Variants in KCNIP4 observed in about 807,000 individuals in gnomAD.
KCNIP4 encodes the protein Kv channel-interacting protein 4.
A neutral mutation model predicts 34.0 loss-of-function variants in KCNIP4; 12 were observed. The observed-to-expected ratio is 0.35, with a 90% CI of 0.23 to 0.57. The LOEUF (loss-of-function observed/expected upper bound fraction) is 0.57. Ranked by LOEUF, KCNIP4 falls within the 20% of genes least tolerant of loss-of-function variation. The pLI, the probability that KCNIP4 is intolerant of heterozygous loss-of-function variation, is 0.83. For missense variants in KCNIP4, 238 were observed against 311.7 expected (o/e 0.76, Z 1.78); for synonymous variants, 124 against 102.2 (o/e 1.21, Z -1.29).
intron 1 of KCNIP4, among the ~76,000 whole-genome samples, chr4:20,966,926 T>A (rs901579422): frequency 3.3e-5 from 5 of 152,156 alleles, no homozygotes; most frequent in Admixed American, 1.3e-4. Flanking sequence ...TATGATGATT[T>A]TCATCTTATG....
intron 1 of KCNIP4, among the ~76,000 whole-genome samples, chr4:21,125,069 C>T (rs1038916049): frequency 6.6e-6 from 1 of 150,662 alleles, no homozygotes; most frequent in Non-Finnish European, 1.5e-5. Flanking sequence ...TCCAGAGAAG[C>T]CTCCCCAGTC....
At chr4:21,255,647 G>GA (rs113073511) in intron 1 of KCNIP4, among the ~76,000 whole-genome samples, 14,111 of 139,422 alleles carry the variant, frequency 0.1, 1,108 homozygotes, top group African/African-American at 0.22. Flanking sequence ...CTTTAAAATA[G>GA]AAAAAAAAAA....
intron 1 of KCNIP4, among the ~76,000 whole-genome samples, chr4:21,630,198 G>A (rs539146114): frequency 1.5e-4 from 23 of 151,606 alleles, no homozygotes; most frequent in Non-Finnish European, 3.2e-4. Context: ...TCAGCGCGGT[G>A]GCTCATGCCT....
At chr4:21,906,184 T>C (rs2108974924) in intron 1 of KCNIP4, among the ~76,000 whole-genome samples, 1 of 152,318 alleles carries the variant, frequency 6.6e-6, no homozygotes, top group East Asian at 1.9e-4. Flanking sequence ...TGATAATGAC[T>C]CCCAAAGTCA....
At chr4:21,694,903 A>G (rs1712088826) in intron 1 of KCNIP4, among the ~76,000 whole-genome samples, 1 of 139,010 alleles carries the variant, frequency 7.2e-6, no homozygotes, top group Admixed American at 7.3e-5. Context: ...TCCTCAGATA[A>G]CACGATTGAC....
intron 1 of KCNIP4, among the ~76,000 whole-genome samples, chr4:21,592,544 G>A (rs1742300150): frequency 6.6e-6 from 1 of 152,002 alleles, no homozygotes; most frequent in Non-Finnish European, 1.5e-5. Flanking sequence ...ATTTAAACAG[G>A]TACTTTGGCT....
At chr4:21,397,136 G>A (rs1723077377) in intron 1 of KCNIP4, among the ~76,000 whole-genome samples, 1 of 152,138 alleles carries the variant, frequency 6.6e-6, no homozygotes, top group African/African-American at 2.4e-5. Flanking sequence ...TAAGAAGATA[G>A]AGTCACATAT....
intron 1 of KCNIP4, among the ~76,000 whole-genome samples, chr4:20,904,333 A>G (rs560020273): frequency 5.3e-4 from 78 of 148,232 alleles, no homozygotes; most frequent in African/African-American, 1.7e-3. Context: ...GTGTGTGTGT[A>G]TATATATATA....
At chr4:21,124,771 C>T (rs1750467639) in intron 1 of KCNIP4, among the ~76,000 whole-genome samples, 1 of 152,076 alleles carries the variant, frequency 6.6e-6, no homozygotes, top group Non-Finnish European at 1.5e-5. Context: ...GTATTGACAA[C>T]AGATACCTGA....
intron 1 of KCNIP4, among the ~76,000 whole-genome samples, chr4:20,969,961 A>G (rs1455879242): frequency 1.4e-5 from 2 of 144,438 alleles, no homozygotes; most frequent in Admixed American, 1.4e-4. Context: ...TTTTTTTTTG[A>G]GACGGATTCT....
At chr4:21,444,535 T>A (rs951976174) in intron 1 of KCNIP4, among the ~76,000 whole-genome samples, 2 of 152,160 alleles carry the variant, frequency 1.3e-5, no homozygotes, top group African/African-American at 4.8e-5. Context: ...CACATGATTA[T>A]CTCAATAGAT....
intron 1 of KCNIP4, among the ~76,000 whole-genome samples, chr4:21,020,317 TA>T (rs1417282690): frequency 6.6e-6 from 1 of 152,174 alleles, no homozygotes; most frequent in Non-Finnish European, 1.5e-5. Flanking sequence ...GTTTCTTCAA[TA>T]TCCACAAATT....
intron 1 of KCNIP4, among the ~76,000 whole-genome samples, chr4:21,478,736 C>T (rs1461015812): frequency 6.6e-6 from 1 of 152,076 alleles, no homozygotes. Flanking sequence ...GTATAAATTT[C>T]GGAATAGGTT....
rs577068473 is a variant in KCNIP4 at position 21,883,175 on chromosome 4, T to A, written c.61+65396A>T. Among the ~76,000 whole-genome samples the A allele has an allele frequency of 1.4e-4, 21 of 150,920 alleles. No individual in the cohort carries two copies. In the South Asian group the frequency reaches 3.2e-3, roughly 23 times the overall value. On this transcript the variant is annotated intron_variant, in intron 1 of 8. Transcript: ENST00000382152. ...TGAGTTGTTGTTTTTTTTTTTTTTT[T>A]ATAAGAGACAAGGTCTGCCTCTGTC...
intron 1 of KCNIP4, among the ~76,000 whole-genome samples, chr4:20,965,011 T>A (rs898447186): frequency 2.0e-5 from 3 of 152,148 alleles, no homozygotes; most frequent in African/African-American, 7.2e-5. Context: ...CTTTAAATGA[T>A]TCTATTTAAC....
At chr4:21,888,461 T>C (rs570947163) in intron 1 of KCNIP4, among the ~76,000 whole-genome samples, 2 of 152,208 alleles carry the variant, frequency 1.3e-5, no homozygotes, top group Admixed American at 1.3e-4. Flanking sequence ...CAGGTTTGTA[T>C]TTCCATAATA....
chr4:20,951,114 G>GTCTC (rs370902307), intron 1 of KCNIP4, among the ~76,000 whole-genome samples: 1 of 151,356 alleles, frequency 6.6e-6, no homozygotes, highest in Admixed American at 6.6e-5. Context: ...CTCTCTCTCT[G>GTCTC]TCTCTCTCTC....
chr4:21,945,699 T>G (rs1730474871), intron 1 of KCNIP4, among the ~76,000 whole-genome samples: 1 of 152,076 alleles, frequency 6.6e-6, no homozygotes, highest in Non-Finnish European at 1.5e-5. Flanking sequence ...TTTTTTTTCC[T>G]CTGACCTTGT....
intron 1 of KCNIP4, among the ~76,000 whole-genome samples, chr4:21,508,396 C>CT (rs1368064396): frequency 6.6e-6 from 1 of 152,156 alleles, no homozygotes; most frequent in Non-Finnish European, 1.5e-5. Flanking sequence ...TATAATTATG[C>CT]TTATTATGTT....
Sources: gnomAD v4.1 joint callset for allele counts (sites outside exome capture counted in the v4.1 genomes callset) on GRCh38, gnomAD v4.1.1 for gene constraint, MANE v1.5 for transcripts, NCBI Gene and HGNC (gene_info 2026-07-23, HGNC 2026-07-21) for gene names.